Variants in SEMA3D observed in about 807,000 individuals in gnomAD.
SEMA3D encodes semaphorin 3D, also known as semaphorin-3D.
A neutral mutation model predicts 100.1 loss-of-function variants in SEMA3D; 84 were observed. The observed-to-expected ratio is 0.84, with a 90% CI of 0.70 to 1.01. The LOEUF is 1.01. Among genes scored for constraint, SEMA3D ranks in the 50% least tolerant of loss-of-function variants. The pLI, the probability that SEMA3D is intolerant of heterozygous loss-of-function variation, is 0.00. For synonymous variants in SEMA3D, 312 were observed against 320.7 expected (o/e 0.97, Z 0.29); for missense variants, 875 against 934.1 (o/e 0.94, Z 0.82).
At chr7:85,193,460 C>T in the SEMA3D span, among the ~76,000 whole-genome samples, 1 of 152,236 alleles carries the variant, frequency 6.6e-6, no homozygotes, top group African/African-American at 2.4e-5. Flanking sequence ...GTGGAATATT[C>T]TGTTCTCGTT....
Position 84,999,382 on chromosome 7 carries a change from A to C in SEMA3D, c.*58T>G. ...TATGAATTACTATAAGGGATATACA[A>C]AACAGAAGGCAATGTTTTTATAGGT... On this transcript the variant is annotated 3_prime_UTR_variant, in exon 19 of 19. Transcript: ENST00000284136. The C allele has an allele frequency of 7.1e-7, 1 of 1,410,118 alleles. No individual in the cohort carries two copies. The highest frequency in any genetic ancestry group is 9.9e-7 in the Non-Finnish European group (1 of 1,012,484). The allele number at this position is 1,410,118 out of a possible 1,614,324, so 87.4% of individuals were successfully genotyped here. A position where few individuals can be genotyped will look rare whatever the true frequency, so the allele number is the denominator to read the frequency against.
chr7:85,044,545 A>G (rs1790954567), intron 9 of SEMA3D, among the ~76,000 whole-genome samples: 1 of 152,156 alleles, frequency 6.6e-6, no homozygotes, highest in Non-Finnish European at 1.5e-5. Context: ...TGTAAGAACT[A>G]AAAATTGGCA....
At chr7:85,146,642 C>A (rs191207335) in intron 2 of SEMA3D, among the ~76,000 whole-genome samples, 1 of 151,430 alleles carries the variant, frequency 6.6e-6, no homozygotes, top group Non-Finnish European at 1.5e-5. Context: ...GTCATATTTT[C>A]GAAAGAAAAT....
chr7:85,001,641 TATG>T (rs1789658544), intron 18 of SEMA3D, among the ~76,000 whole-genome samples: 1 of 152,152 alleles, frequency 6.6e-6, no homozygotes, highest in African/African-American at 2.4e-5. Context: ...CTCTGTTTCC[TATG>T]ATGACTCATT....
intron 2 of SEMA3D, chr7:85,139,997 G>C: frequency 4.9e-6 from 2 of 404,306 alleles, no homozygotes; most frequent in Non-Finnish European, 6.7e-6. Flanking sequence ...CACAGAAAAA[G>C]TGATCAAAAC....
At chr7:85,191,005 A>T (rs2116603476), upstream of SEMA3D, among the ~76,000 whole-genome samples, 1 of 152,208 alleles carries the variant, frequency 6.6e-6, no homozygotes, top group South Asian at 2.1e-4. Flanking sequence ...TTTTCTTAAA[A>T]AAAGAAAAGA....
chr7:85,220,207 G>A, the SEMA3D span, among the ~76,000 whole-genome samples: 79 of 151,924 alleles, frequency 5.2e-4, no homozygotes, highest in African/African-American at 1.8e-3. Context: ...ATGTGTTGTC[G>A]CTGTGTCTCT....
chr7:85,085,265 T>C (rs1788183088), intron 4 of SEMA3D, among the ~76,000 whole-genome samples: 1 of 152,176 alleles, frequency 6.6e-6, no homozygotes, highest in Non-Finnish European at 1.5e-5. Context: ...TATATAACTC[T>C]TTCATATTAA....
intron 13 of SEMA3D, among the ~76,000 whole-genome samples, chr7:85,022,154 C>T (rs2115850797): frequency 6.6e-6 from 1 of 151,864 alleles, no homozygotes; most frequent in South Asian, 2.1e-4. Flanking sequence ...ATGTATTGAG[C>T]ATGTAATGTA....
the SEMA3D span, among the ~76,000 whole-genome samples, chr7:85,245,170 C>G: frequency 6.6e-6 from 1 of 151,828 alleles, no homozygotes; most frequent in African/African-American, 2.4e-5. Flanking sequence ...TACAAAACCT[C>G]GAAACAAAAG....
intron 5 of SEMA3D, among the ~76,000 whole-genome samples, chr7:85,076,249 G>A (rs1271187572): frequency 6.6e-6 from 1 of 151,788 alleles, no homozygotes; most frequent in East Asian, 1.9e-4. Context: ...CACTGGAAGA[G>A]AAAGAAAAAG....
intron 1 of SEMA3D, among the ~76,000 whole-genome samples, chr7:85,161,571 G>A (rs1385315588): frequency 1.3e-5 from 2 of 152,194 alleles, no homozygotes; most frequent in East Asian, 3.9e-4. Context: ...GGCGGGGAGA[G>A]TTGCAAGAAG....
At chr7:85,064,202 A>T (rs1186010798) in intron 8 of SEMA3D, among the ~76,000 whole-genome samples, 2 of 152,222 alleles carry the variant, frequency 1.3e-5, no homozygotes, top group African/African-American at 4.8e-5. Context: ...ATACAATCTT[A>T]TACTTCATTT....
chr7:85,230,978 A>C, the SEMA3D span, among the ~76,000 whole-genome samples: 2 of 152,214 alleles, frequency 1.3e-5, no homozygotes, highest in East Asian at 3.9e-4. Flanking sequence ...GTTCTTGAAC[A>C]CTTGGGGCTC....
chr7:85,187,041 G>C lies in SEMA3D; in HGVS notation c.-536C>G, dbSNP rs571399703. On this transcript the variant is annotated 5_prime_UTR_variant, in exon 1 of 19. Coordinates refer to ENST00000284136, the MANE Select transcript of SEMA3D (RefSeq NM_001384900.1). The stretch of plus-strand genomic sequence containing the variant: ...TGTGACCGCAGCAGCTGTCCTGGGA[G>C]AGACTCAGTCTTTCTAAAAAGAGGA... Among the ~76,000 whole-genome samples, 56 of 152,270 alleles carry C rather than the reference G, an allele frequency of 3.7e-4. No homozygotes were observed. The highest frequency in any genetic ancestry group is 1.3e-3 in the African/African-American group (53 of 41,556).
chr7:85,057,611 G>A (rs1348769413), intron 8 of SEMA3D, among the ~76,000 whole-genome samples: 1 of 152,122 alleles, frequency 6.6e-6, no homozygotes, highest in Non-Finnish European at 1.5e-5. Flanking sequence ...TCCCAATAAA[G>A]CTTCACAGTA....
chr7:85,025,553 C>A (rs1242390030), intron 12 of SEMA3D, among the ~76,000 whole-genome samples: 2 of 151,928 alleles, frequency 1.3e-5, no homozygotes, highest in Non-Finnish European at 2.9e-5. Context: ...CTTGGCAAAG[C>A]CCCAGACAGC....
At chr7:85,153,156 A>G (rs1229578594) in intron 2 of SEMA3D, among the ~76,000 whole-genome samples, 3 of 152,122 alleles carry the variant, frequency 2.0e-5, no homozygotes, top group Non-Finnish European at 2.9e-5. Flanking sequence ...CTTTGGTATA[A>G]GCAGGTTTTG....
the SEMA3D span, among the ~76,000 whole-genome samples, chr7:85,230,367 T>C: frequency 6.6e-6 from 1 of 152,196 alleles, no homozygotes; most frequent in Non-Finnish European, 1.5e-5. Flanking sequence ...TTCTGTGTTG[T>C]TGATTTTGAG....
Sources: gnomAD v4.1 joint callset for allele counts (sites outside exome capture counted in the v4.1 genomes callset) on GRCh38, gnomAD v4.1.1 for gene constraint, MANE v1.5 for transcripts, NCBI Gene and HGNC (gene_info 2026-07-23, HGNC 2026-07-21) for gene names.